RAP1B: variants seen among roughly 807,000 people sequenced by gnomAD.
RAP1B encodes the protein ras-related protein Rap-1b.
A neutral mutation model predicts 27.5 loss-of-function variants in RAP1B; 1 was observed. The observed-to-expected ratio is 0.04, with a 90% CI of 0.01 to 0.17. RAP1B has a LOEUF of 0.17. Among genes scored for constraint, RAP1B ranks in the 10% least tolerant of loss-of-function variants. The probability of loss-of-function intolerance (pLI) is 1.00; values close to 1 mark genes in which losing one functional copy is unlikely to be tolerated. For synonymous variants in RAP1B, 75 were observed against 73.1 expected (o/e 1.03, Z -0.13); for missense variants, 84 against 214.8 (o/e 0.39, Z 3.81).
intron 1 of RAP1B, among the ~76,000 whole-genome samples, chr12:68,614,337 C>T (rs1332981347): frequency 6.6e-6 from 1 of 152,192 alleles, no homozygotes; most frequent in Non-Finnish European, 1.5e-5. Context: ...ACAGATCTTA[C>T]TGATTTGCCT....
chr12:68,647,249 T>C (rs2135956786), intron 1 of RAP1B, among the ~76,000 whole-genome samples: 3 of 152,034 alleles, frequency 2.0e-5, no homozygotes, highest in Middle Eastern at 6.8e-3. Flanking sequence ...AAACAGGGTT[T>C]TGAAGCCGGG....
chr12:68,656,526 AAGTTAATATGTACTCAGGGTAAT>A, intron 6 of RAP1B, 77 bp downstream of exon 6: 1 of 1,427,472 alleles, frequency 7.0e-7, no homozygotes, highest in East Asian at 2.3e-5. Context: ...TCTTAACCCC[AAGTTAATATGTACTCAGGGTAAT>A]ATGTTGATGT....
At chr12:68,614,533 G>A (rs1397508498) in intron 1 of RAP1B, among the ~76,000 whole-genome samples, 3 of 152,190 alleles carry the variant, frequency 2.0e-5, no homozygotes, top group Non-Finnish European at 4.4e-5. Flanking sequence ...GAAAAGTTAG[G>A]TAAAGATTGG....
chr12:68,622,436 A>G (rs2135920443), intron 1 of RAP1B, among the ~76,000 whole-genome samples: 1 of 152,320 alleles, frequency 6.6e-6, no homozygotes, highest in South Asian at 2.1e-4. Flanking sequence ...GGTACTGCAT[A>G]ATCCAGTTCT....
At chr12:68,655,532 T>A (rs1014667239) in intron 5 of RAP1B, among the ~76,000 whole-genome samples, 1 of 146,448 alleles carries the variant, frequency 6.8e-6, no homozygotes, top group Non-Finnish European at 1.5e-5. Context: ...AAATTTTGAT[T>A]GGCTTTTTTT....
In RAP1B at chr12:68,630,936, T is replaced by C. The variant is rs187581767; in HGVS notation, c.-26-17763T>C. ...CACCGCATCCAGCCTGAATTTGTTT[T>C]TTTTTTCATGTACTTTGGCAGATTC... On this transcript the variant is annotated intron_variant, in intron 1 of 7. Coordinates refer to ENST00000250559, the MANE Select transcript of RAP1B (RefSeq NM_001010942.3). Among the ~76,000 whole-genome samples the C allele has an allele frequency of 2.6e-3, 395 of 152,272 alleles. 1 individual carries two copies. The highest frequency in any genetic ancestry group is 8.3e-3 in the African/African-American group (344 of 41,558).
chr12:68,642,417 G>A (rs1305722164), intron 1 of RAP1B: 1 of 563,296 alleles, frequency 1.8e-6, no homozygotes, highest in Non-Finnish European at 3.2e-6. Context: ...AATTTACTGT[G>A]CCTAAAATTA....
intron 1 of RAP1B, among the ~76,000 whole-genome samples, chr12:68,611,425 C>G (rs923151684): frequency 6.6e-6 from 1 of 150,466 alleles, no homozygotes; most frequent in Non-Finnish European, 1.5e-5. Flanking sequence ...CCGGCTCCCC[C>G]GAAGACTCGC....
At chr12:68,648,902 T>A in intron 2 of RAP1B, 121 bp downstream of exon 2, 1 of 895,772 alleles carries the variant, frequency 1.1e-6, no homozygotes, top group Non-Finnish European at 1.7e-6. Flanking sequence ...AGAAGCAATA[T>A]AATATTTTTC....
At chr12:68,632,141 T>TTTG (rs1872300451) in intron 1 of RAP1B, among the ~76,000 whole-genome samples, 1 of 135,218 alleles carries the variant, frequency 7.4e-6, no homozygotes, top group Non-Finnish European at 1.6e-5. Context: ...TTTTTTTTTT[T>TTTG]TTTTGTTTGT....
chr12:68,637,380 C>T (rs1412450887), intron 1 of RAP1B, among the ~76,000 whole-genome samples: 1 of 151,982 alleles, frequency 6.6e-6, no homozygotes, highest in Non-Finnish European at 1.5e-5. Context: ...GGTGGATCAC[C>T]TTAGGTCAGG....
intron 1 of RAP1B, among the ~76,000 whole-genome samples, chr12:68,637,750 C>G (rs928572709): frequency 6.6e-6 from 1 of 151,360 alleles, no homozygotes; most frequent in African/African-American, 2.4e-5. Flanking sequence ...ACAGTATTTA[C>G]TTTTAAGTGT....
intron 1 of RAP1B, among the ~76,000 whole-genome samples, chr12:68,613,927 G>A (rs1870796850): frequency 6.6e-6 from 1 of 152,124 alleles, no homozygotes; most frequent in South Asian, 2.1e-4. Context: ...TCTCTTAGCT[G>A]TATAAAGGTA....
At chr12:68,612,394 T>G (rs1017030263) in intron 1 of RAP1B, among the ~76,000 whole-genome samples, 12 of 152,160 alleles carry the variant, frequency 7.9e-5, no homozygotes, top group Non-Finnish European at 1.3e-4. Context: ...AAATAGTATT[T>G]ATTGAGTCAT....
At chr12:68,640,789 T>TA (rs1361116863) in intron 1 of RAP1B, among the ~76,000 whole-genome samples, 1 of 152,176 alleles carries the variant, frequency 6.6e-6, no homozygotes, top group Non-Finnish European at 1.5e-5. Context: ...TTAAATCAGT[T>TA]ATTTGCATTT....
At chr12:68,614,030 T>A (rs1443478421) in intron 1 of RAP1B, among the ~76,000 whole-genome samples, 3 of 152,202 alleles carry the variant, frequency 2.0e-5, no homozygotes. Context: ...TTTGTAAGGA[T>A]CCTTTCAATT....
intron 4 of RAP1B, among the ~76,000 whole-genome samples, chr12:68,653,597 G>A (rs577409115): frequency 3.3e-5 from 5 of 152,154 alleles, no homozygotes; most frequent in Non-Finnish European, 7.4e-5. Context: ...TATATTTTTT[G>A]TATATAAATC....
intron 1 of RAP1B, among the ~76,000 whole-genome samples, chr12:68,633,624 A>G (rs927827059): frequency 6.6e-6 from 1 of 152,196 alleles, no homozygotes; most frequent in Admixed American, 6.5e-5. Context: ...TAATCCCAGC[A>G]CTTTGGGAGG....
At position 68,663,445 on chromosome 12, in the gene RAP1B, T is replaced by C. The variant is rs1874714483; in HGVS notation, c.*4196T>C. The stretch of plus-strand genomic sequence containing the variant: ...AGAACTAAACTTTATATATGTTTCC[T>C]TAACTATTGGGAGGAAAATGGATGA... On this transcript the variant is annotated 3_prime_UTR_variant, in exon 8 of 8. Coordinates refer to ENST00000250559, the MANE Select transcript of RAP1B (RefSeq NM_001010942.3). 6.6e-6 allele frequency: 1 copy of C among 152,192 alleles called. No homozygotes were observed. Among genetic ancestry groups the C allele is most frequent in the Non-Finnish European group, 1.5e-5 (1 of 68,030 alleles). 9.4% of individuals were successfully genotyped at this position (152,192 alleles called of 1,614,324 possible).
Sources: allele counts gnomAD v4.1 joint callset (sites outside exome capture counted in the v4.1 genomes callset), GRCh38; gene constraint gnomAD v4.1.1; transcripts MANE v1.5; gene names NCBI Gene and HGNC (gene_info 2026-07-23, HGNC 2026-07-21).